Variants in FOXP2 observed in about 807,000 individuals in gnomAD.
The protein encoded by FOXP2 is forkhead box P2.
In FOXP2, 12 loss-of-function variants were observed where a neutral mutation model predicts 115.8. The observed-to-expected ratio is 0.10, with a 90% CI of 0.07 to 0.17. FOXP2 has a LOEUF of 0.17. Among genes scored for constraint, FOXP2 ranks in the 10% least tolerant of loss-of-function variants. FOXP2 has a pLI of 1.00. For missense variants in FOXP2, 629 were observed against 843.5 expected (o/e 0.75, Z 3.15); for synonymous variants, 328 against 297.7 (o/e 1.10, Z -1.05).
chr7:114,631,833 G>T, intron 6 of FOXP2, 128 bp downstream of exon 6: 3 of 918,516 alleles, frequency 3.3e-6, no homozygotes, highest in Non-Finnish European at 1.7e-6. Context: ...AAACGTGATT[G>T]TTAACATGGT....
intron 1 of FOXP2, among the ~76,000 whole-genome samples, chr7:114,180,038 C>G (rs934591975): frequency 2.6e-5 from 4 of 151,998 alleles, no homozygotes; most frequent in Non-Finnish European, 5.9e-5. Flanking sequence ...AGGATCCATG[C>G]TAGACCATGT....
intron 2 of FOXP2, among the ~76,000 whole-genome samples, chr7:114,530,068 T>G (rs1218285093): frequency 6.6e-6 from 1 of 151,158 alleles, no homozygotes; most frequent in Non-Finnish European, 1.5e-5. Context: ...CTGCTGGCAA[T>G]TTTTTTTTGG....
chr7:114,144,589 A>G (rs1792314465), intron 1 of FOXP2, among the ~76,000 whole-genome samples: 1 of 152,128 alleles, frequency 6.6e-6, no homozygotes, highest in Non-Finnish European at 1.5e-5. Context: ...ATACCAAAAT[A>G]TTTTCTGACA....
intron 3 of FOXP2, among the ~76,000 whole-genome samples, chr7:114,546,778 T>C (rs989409190): frequency 6.6e-6 from 1 of 152,254 alleles, no homozygotes; most frequent in Non-Finnish European, 1.5e-5. Context: ...CCATATTTTA[T>C]TACAGTTATC....
intron 2 of FOXP2, among the ~76,000 whole-genome samples, chr7:114,379,317 G>A (rs1286261744): frequency 6.6e-6 from 1 of 152,168 alleles, no homozygotes; most frequent in Admixed American, 6.5e-5. Flanking sequence ...TGGGAGCTAA[G>A]TTGCGAGCAC....
chr7:114,529,820 A>G (rs950873335), intron 2 of FOXP2, among the ~76,000 whole-genome samples: 1 of 151,784 alleles, frequency 6.6e-6, no homozygotes, highest in Non-Finnish European at 1.5e-5. Flanking sequence ...GATTACATGT[A>G]TCAGTATATT....
intron 1 of FOXP2, among the ~76,000 whole-genome samples, chr7:114,194,911 T>G (rs1394552115): frequency 1.3e-5 from 2 of 152,196 alleles, no homozygotes; most frequent in Non-Finnish European, 2.9e-5. Flanking sequence ...GAAATTGTTA[T>G]TCTTTTGCAA....
intron 3 of FOXP2, chr7:114,570,852 G>C (rs781352228): frequency 1.2e-6 from 2 of 1,611,916 alleles, no homozygotes; most frequent in African/African-American, 2.7e-5. Context: ...CCACTCTTCT[G>C]GTGATGGGCA....
chr7:114,145,080 A>T (rs1792329145), intron 1 of FOXP2, among the ~76,000 whole-genome samples: 1 of 152,084 alleles, frequency 6.6e-6, no homozygotes, highest in African/African-American at 2.4e-5. Flanking sequence ...TGTCACATGG[A>T]GTTTCGATAC....
chr7:114,398,393 G>A (rs1261234985), intron 2 of FOXP2, among the ~76,000 whole-genome samples: 1 of 151,896 alleles, frequency 6.6e-6, no homozygotes, highest in Non-Finnish European at 1.5e-5. Context: ...GAAATAAACT[G>A]GGAAGATATT....
At chr7:114,169,601 T>C (rs1793081991) in intron 1 of FOXP2, among the ~76,000 whole-genome samples, 1 of 152,180 alleles carries the variant, frequency 6.6e-6, no homozygotes. Flanking sequence ...AACACTGGAC[T>C]GTGGACTTTT....
At position 114,293,427 on chromosome 7, in the gene FOXP2, G is replaced by T. The variant is rs1796658848; in HGVS notation, c.-11+5318G>T. Among the ~76,000 whole-genome samples, 3 of 152,236 alleles carry T rather than the reference G, an allele frequency of 2.0e-5. 1 individual carries two copies. The South Asian group carries it at 6.2e-4, about 32-fold the overall frequency. On this transcript the variant is annotated intron_variant, in intron 2 of 17. Transcript: ENST00000634411. The stretch of plus-strand genomic sequence containing the variant: ...CCCTTTAGCAAACAGCCAGGAAGGA[G>T]CCCACAAACAATGTGCAACTTCCTG...
chr7:114,644,601 C>G (rs972536154), intron 7 of FOXP2, 84 bp from the exon 8 acceptor site: 1 of 1,144,532 alleles, frequency 8.7e-7, no homozygotes, highest in African/African-American at 1.5e-5. Flanking sequence ...CTGTTTGTCA[C>G]TGATCGTAAC....
At chr7:114,484,249 T>G (rs1216143508) in intron 2 of FOXP2, among the ~76,000 whole-genome samples, 1 of 151,878 alleles carries the variant, frequency 6.6e-6, no homozygotes, top group Admixed American at 6.6e-5. Flanking sequence ...TGTGCTCTAT[T>G]GACCTCAAAA....
At chr7:114,270,712 T>G (rs2129172770) in intron 1 of FOXP2, among the ~76,000 whole-genome samples, 1 of 152,260 alleles carries the variant, frequency 6.6e-6, no homozygotes, top group South Asian at 2.1e-4. Flanking sequence ...TGCTTAACAG[T>G]CCTTTATTAA....
chr7:114,474,167 G>T (rs901221238), intron 2 of FOXP2, among the ~76,000 whole-genome samples: 2 of 152,166 alleles, frequency 1.3e-5, no homozygotes, highest in Non-Finnish European at 2.9e-5. Flanking sequence ...TGCATACTGT[G>T]CATGTGGTGA....
chr7:114,150,257 A>G (rs763666679), intron 1 of FOXP2, among the ~76,000 whole-genome samples: 1 of 152,020 alleles, frequency 6.6e-6, no homozygotes, highest in Non-Finnish European at 1.5e-5. Context: ...GGCCTGGGAA[A>G]GGTAGCCCTC....
At chr7:114,529,130 G>T (rs893938447) in intron 2 of FOXP2, among the ~76,000 whole-genome samples, 1 of 151,858 alleles carries the variant, frequency 6.6e-6, no homozygotes, top group Admixed American at 6.6e-5. Context: ...GCTACTTGAT[G>T]TACTGCACCT....
rs182743030 is a variant in FOXP2, at chr7:114,626,565, A to C, written c.259-1975A>C. ...TCTCTCTCTCTCTGTCTCTCTCTCT[A>C]TATATATCCATGTACATGTCTATAA... On this transcript the variant is annotated intron_variant, in intron 3 of 16. Transcript: ENST00000350908. Among the ~76,000 whole-genome samples the C allele has an allele frequency of 3.5e-3, 536 of 151,182 alleles. 1 individual carries two copies. The highest frequency in any genetic ancestry group is 5.8e-3 in the Non-Finnish European group (394 of 67,464).
Sources: gnomAD v4.1 joint callset for allele counts (sites outside exome capture counted in the v4.1 genomes callset) on GRCh38, gnomAD v4.1.1 for gene constraint, MANE v1.5 for transcripts, NCBI Gene and HGNC (gene_info 2026-07-23, HGNC 2026-07-21) for gene names.